Variants in GOLIM4 observed in about 807,000 individuals in gnomAD.
GOLIM4 encodes the protein 130 kDa golgi-localized phosphoprotein.
Under a neutral mutation model 107.4 loss-of-function variants are expected in GOLIM4, and 71 were observed. The observed-to-expected ratio is 0.66, with a 90% CI of 0.55 to 0.81. The LOEUF is 0.81. Among genes scored for constraint, GOLIM4 ranks in the 30% least tolerant of loss-of-function variants. The pLI is 0.00. For missense variants in GOLIM4, 830 were observed against 826.1 expected, an observed-to-expected ratio of 1.00 and a Z score of -0.06; for synonymous variants, 327 against 294.8, an observed-to-expected ratio of 1.11 and a Z score of -1.12.
In GOLIM4 at chr3:168,030,015, T is replaced by TTGG. The variant is rs751747870; in HGVS notation, c.1195_1197dup (p.Pro399dup). 4 of 1,614,124 alleles carry TTGG rather than the reference T, an allele frequency of 2.5e-6. No individual in the cohort carries two copies. The African/African-American group carries it at 4.0e-5, about 16-fold the overall frequency. On this transcript the variant is annotated inframe_insertion, in exon 10 of 16. Coordinates refer to ENST00000470487, the MANE Select transcript of GOLIM4 (RefSeq NM_014498.5). ...TCATAGGGTGATTGGAATTTGATCATTGGCTTGGCTGAAGGGTACACCTAG... is the reference window on the plus strand; with the variant it reads ...TCATAGGGTGATTGGAATTTGATCATTGGTGGCTTGGCTGAAGGGTACACCTAG...
intron 9 of GOLIM4, among the ~76,000 whole-genome samples, chr3:168,030,510 CAAAAA>C (rs11411251): frequency 9.8e-6 from 1 of 102,442 alleles, no homozygotes; most frequent in Non-Finnish European, 2.0e-5. Context: ...TAAGCATAGC[CAAAAA>C]AAAAAAAAAA....
chr3:168,065,343 A>C (rs1275534229), intron 1 of GOLIM4, among the ~76,000 whole-genome samples: 1 of 152,244 alleles, frequency 6.6e-6, no homozygotes. Flanking sequence ...CACAATGCTA[A>C]GAAAGGTTCT....
chr3:168,050,821 C>CCA (rs1393445997), intron 1 of GOLIM4, among the ~76,000 whole-genome samples: 1 of 107,238 alleles, frequency 9.3e-6, no homozygotes, highest in Non-Finnish European at 1.8e-5. Context: ...CTAGCAACAC[C>CCA]TATAATAATA....
rs201736682 is a variant in GOLIM4 at position 168,068,756 on chromosome 3, T to A, written c.188-20391A>T. On this transcript the variant is annotated intron_variant, in intron 1 of 15. Transcript: ENST00000470487. ...ATAAAGAATAAACACTAAAATTTTA[T>A]AGAGATTCCTTTGTCAATTGTGAAT... Among the ~76,000 whole-genome samples the A allele has an allele frequency of 1.1e-4, 17 of 152,144 alleles. No homozygotes were observed. The East Asian group carries it at 1.9e-3, about 17-fold the overall frequency.
intron 1 of GOLIM4, among the ~76,000 whole-genome samples, chr3:168,081,594 T>C (rs1185375444): frequency 1.3e-5 from 2 of 152,020 alleles, no homozygotes; most frequent in Admixed American, 1.3e-4. Flanking sequence ...GAGCCCGGAG[T>C]TAGGATTCAA....
chr3:168,056,353 G>A (rs187808095), intron 1 of GOLIM4, among the ~76,000 whole-genome samples: 235 of 152,370 alleles, frequency 1.5e-3, no homozygotes, highest in Non-Finnish European at 2.4e-3. Flanking sequence ...GTTTGCTCAG[G>A]GGGAGGGCAC....
intron 10 of GOLIM4, 47 bp from the exon 11 acceptor site, chr3:168,029,349 G>A (rs1718181438): frequency 1.7e-6 from 2 of 1,201,350 alleles, no homozygotes; most frequent in African/African-American, 1.5e-5. Context: ...AAAATTCAGA[G>A]GCACAGTTTG....
intron 14 of GOLIM4, among the ~76,000 whole-genome samples, chr3:168,011,133 A>G (rs1485985621): frequency 8.6e-5 from 13 of 151,402 alleles, no homozygotes; most frequent in African/African-American, 2.5e-4. Context: ...CTGAGGTACC[A>G]GGTTCCTCTC....
chr3:168,032,908 T>C, intron 8 of GOLIM4, 56 bp from the exon 9 acceptor site: 2 of 1,336,284 alleles, frequency 1.5e-6, no homozygotes. Context: ...AGTAATGATG[T>C]AATTTCTTGA....
intron 5 of GOLIM4, among the ~76,000 whole-genome samples, chr3:168,042,536 C>T (rs1413069770): frequency 1.3e-5 from 2 of 152,210 alleles, no homozygotes; most frequent in South Asian, 2.1e-4. Flanking sequence ...CCACCTTGGC[C>T]TCCCAAAGTG....
intron 14 of GOLIM4, among the ~76,000 whole-genome samples, chr3:168,015,484 C>T (rs1448182050): frequency 7.3e-6 from 1 of 136,918 alleles, no homozygotes; most frequent in Non-Finnish European, 1.5e-5. Flanking sequence ...TTTATAGATT[C>T]AATGCCATCC....
intron 14 of GOLIM4, among the ~76,000 whole-genome samples, chr3:168,021,353 AAG>A (rs1319618146): frequency 2.6e-5 from 4 of 152,196 alleles, no homozygotes; most frequent in Admixed American, 6.5e-5. Flanking sequence ...CTGCTTTAAC[AAG>A]AGAGTTTCTT....
intron 14 of GOLIM4, among the ~76,000 whole-genome samples, chr3:168,017,543 G>A (rs1019874572): frequency 1.3e-5 from 2 of 152,174 alleles, no homozygotes; most frequent in African/African-American, 4.8e-5. Flanking sequence ...TGGGAGAACT[G>A]TAGAAATTTG....
chr3:168,054,292 C>T (rs4955784), intron 1 of GOLIM4, among the ~76,000 whole-genome samples: 24,911 of 152,180 alleles, frequency 0.16, 2,330 homozygotes, highest in Middle Eastern at 0.23. Context: ...GAGTGAAACC[C>T]CACAAGGCCC....
intron 1 of GOLIM4, among the ~76,000 whole-genome samples, chr3:168,092,441 G>A (rs1721962246): frequency 6.6e-6 from 1 of 152,176 alleles, no homozygotes; most frequent in African/African-American, 2.4e-5. Context: ...GGGGTTACAA[G>A]TAACCCACTT....
At chr3:168,043,670 T>G (rs923384466) in intron 4 of GOLIM4, 141 bp from the exon 5 acceptor site, 5 of 572,248 alleles carry the variant, frequency 8.7e-6, no homozygotes, top group Non-Finnish European at 1.4e-5. Flanking sequence ...TTTCTCAAGT[T>G]GCTTTAATTT....
chr3:168,018,983 C>CAAAA (rs201919414), intron 14 of GOLIM4, among the ~76,000 whole-genome samples: 1 of 120,810 alleles, frequency 8.3e-6, no homozygotes, highest in Admixed American at 8.4e-5. Flanking sequence ...CTATGTAGCA[C>CAAAA]AAAAAAAAAA....
intron 1 of GOLIM4, among the ~76,000 whole-genome samples, chr3:168,051,145 T>C (rs1030814082): frequency 2.6e-5 from 4 of 152,124 alleles, no homozygotes; most frequent in African/African-American, 9.7e-5. Flanking sequence ...CTCATCAGCA[T>C]GATTTCATCT....
intron 1 of GOLIM4, among the ~76,000 whole-genome samples, chr3:168,056,680 G>A (rs1478331374): frequency 6.6e-6 from 1 of 152,224 alleles, no homozygotes; most frequent in African/African-American, 2.4e-5. Flanking sequence ...TTTAAGGTTT[G>A]ACTGTCCTGC....
Sources: gnomAD v4.1 joint callset for allele counts (sites outside exome capture counted in the v4.1 genomes callset) on GRCh38, gnomAD v4.1.1 for gene constraint, MANE v1.5 for transcripts, NCBI Gene and HGNC (gene_info 2026-07-23, HGNC 2026-07-21) for gene names.